DDX10: variants seen among roughly 807,000 people sequenced by gnomAD.
DDX10 encodes the protein DEAD-box helicase 10.
Under a neutral mutation model 104.3 loss-of-function variants are expected in DDX10, and 74 were observed. The ratio of observed to expected loss-of-function variants is 0.71; its 90% CI spans 0.59 to 0.86. The LOEUF (loss-of-function observed/expected upper bound fraction) is 0.86. DDX10 is among the 40% of genes least tolerant of loss of function. The probability of loss-of-function intolerance (pLI) is 0.00; values close to 1 mark genes in which losing one functional copy is unlikely to be tolerated. For synonymous variants in DDX10, 351 were observed against 353.4 expected, an observed-to-expected ratio of 0.99 and a Z score of 0.08; for missense variants, 952 against 1,040.0, an observed-to-expected ratio of 0.92 and a Z score of 1.16.
Position 108,709,558 on chromosome 11 carries a change from A to G in DDX10, c.1322+2721A>G, listed in dbSNP as rs190403110. 1.7e-3 allele frequency among the ~76,000 whole-genome samples: 263 copies of G among 152,346 alleles called. 2 individuals are homozygous for G. Among genetic ancestry groups the G allele is most frequent in the Non-Finnish European group, 1.9e-3 (128 of 68,036 alleles). ...TTGGTCCATTTCATCTAGGTTATCA[A>G]ATATGTGGGCATAGAGGTGTTCATA... On this transcript the variant is annotated intron_variant, in intron 10 of 17. Transcript: ENST00000322536.
chr11:108,735,658 C>T (rs2094317447), intron 13 of DDX10, among the ~76,000 whole-genome samples: 1 of 151,952 alleles, frequency 6.6e-6, no homozygotes, highest in South Asian at 2.1e-4. Context: ...GTTATTTTCT[C>T]CATGATGGCT....
intron 16 of DDX10, among the ~76,000 whole-genome samples, chr11:108,880,135 A>G (rs1270807639): frequency 3.3e-5 from 5 of 152,232 alleles, no homozygotes; most frequent in Admixed American, 1.3e-4. Flanking sequence ...GTAAGCCAGA[A>G]GTCCAAGTTC....
intron 11 of DDX10, among the ~76,000 whole-genome samples, chr11:108,717,765 T>A (rs769153418): frequency 2.0e-5 from 3 of 152,232 alleles, no homozygotes; most frequent in Non-Finnish European, 4.4e-5. Flanking sequence ...ATGACAAAAC[T>A]GTTTTACATG....
intron 16 of DDX10, among the ~76,000 whole-genome samples, chr11:108,917,462 C>T (rs1183015887): frequency 3.9e-5 from 6 of 151,940 alleles, no homozygotes; most frequent in Admixed American, 1.3e-4. Context: ...TATTCACAGG[C>T]GTGATCATTG....
intron 13 of DDX10, among the ~76,000 whole-genome samples, chr11:108,748,739 G>A (rs2094334764): frequency 6.6e-6 from 1 of 151,758 alleles, no homozygotes; most frequent in South Asian, 2.1e-4. Flanking sequence ...AGAGTACAGT[G>A]GCATGATCAT....
intron 13 of DDX10, among the ~76,000 whole-genome samples, chr11:108,825,079 C>T (rs1160922091): frequency 6.6e-6 from 1 of 152,034 alleles, no homozygotes; most frequent in African/African-American, 2.4e-5. Flanking sequence ...GGGTGAAGAA[C>T]AGAAATTTAC....
chr11:108,711,054 T>C (rs1424802647), intron 10 of DDX10, among the ~76,000 whole-genome samples: 2 of 152,144 alleles, frequency 1.3e-5, no homozygotes, highest in East Asian at 3.9e-4. Flanking sequence ...TGTGAGCCAT[T>C]GCTCCTGGCT....
At chr11:108,875,493 C>G (rs1365046) in intron 16 of DDX10, among the ~76,000 whole-genome samples, 114,135 of 152,038 alleles carry the variant, frequency 0.75, 43,189 homozygotes, top group Admixed American at 0.79. Flanking sequence ...AGAAGGGTCT[C>G]TCAGCAAGAG....
At chr11:108,678,578 A>T in intron 5 of DDX10, 143 bp downstream of exon 5, 1 of 930,760 alleles carries the variant, frequency 1.1e-6, no homozygotes, top group Non-Finnish European at 1.5e-6. Flanking sequence ...ACATTTTGGC[A>T]TTTGGGCTCT....
At chr11:108,827,663 G>A (rs768605053) in intron 13 of DDX10, among the ~76,000 whole-genome samples, 7 of 151,886 alleles carry the variant, frequency 4.6e-5, no homozygotes, top group South Asian at 2.1e-4. Context: ...TCTATTGTGG[G>A]CCTTTAATCC....
chr11:108,939,639 G>C (rs1005258664), intron 17 of DDX10, among the ~76,000 whole-genome samples: 2 of 152,072 alleles, frequency 1.3e-5, no homozygotes, highest in African/African-American at 4.8e-5. Context: ...AATTAGCTTT[G>C]TTTTTATGGT....
chr11:108,716,057 T>TA, intron 11 of DDX10, 91 bp downstream of exon 11: 1 of 743,750 alleles, frequency 1.3e-6, no homozygotes, highest in Non-Finnish European at 2.3e-6. Flanking sequence ...TGTTTATGCT[T>TA]CAGATATTCA....
chr11:108,902,346 A>T (rs1365949854), intron 16 of DDX10, among the ~76,000 whole-genome samples: 3 of 152,130 alleles, frequency 2.0e-5, no homozygotes, highest in African/African-American at 7.2e-5. Context: ...CAATAACTGG[A>T]CCCAGAATCC....
intron 16 of DDX10, among the ~76,000 whole-genome samples, chr11:108,898,449 G>A (rs1305380152): frequency 6.6e-6 from 1 of 152,052 alleles, no homozygotes; most frequent in African/African-American, 2.4e-5. Flanking sequence ...AGGTATTCCT[G>A]TTTGGTCACA....
rs1591134497 is a variant in DDX10 at position 108,940,623 on chromosome 11, G to A, written c.*200G>A. On this transcript the variant is annotated 3_prime_UTR_variant, in exon 18 of 18. Transcript: ENST00000322536. ...CATCACTGAGCATACTCAGATCGAG[G>A]GTGGATGATACCATTTCCTGACCCC... is the stretch of plus-strand genomic sequence containing the variant. The A allele has an allele frequency of 2.2e-6, 1 of 447,470 alleles. No individual in the cohort carries two copies. The highest frequency in any genetic ancestry group is 3.9e-6 in the Non-Finnish European group (1 of 256,768). The allele number at this position is 447,470 out of a possible 1,614,324, so 27.7% of individuals were successfully genotyped here. A position where few individuals can be genotyped will look rare whatever the true frequency, so the allele number is the denominator to read the frequency against.
chr11:108,668,413 T>G (rs1016522333), intron 1 of DDX10, among the ~76,000 whole-genome samples: 1 of 152,234 alleles, frequency 6.6e-6, no homozygotes, highest in Non-Finnish European at 1.5e-5. Flanking sequence ...CTGTTTTACT[T>G]CTTTAATTTT....
intron 16 of DDX10, among the ~76,000 whole-genome samples, chr11:108,908,947 A>G (rs529529219): frequency 1.3e-5 from 2 of 152,366 alleles, no homozygotes; most frequent in African/African-American, 4.8e-5. Flanking sequence ...TATCAGGTAT[A>G]GTATAAAGAA....
At chr11:108,877,322 A>G (rs1178638896) in intron 16 of DDX10, among the ~76,000 whole-genome samples, 1 of 152,196 alleles carries the variant, frequency 6.6e-6, no homozygotes, top group African/African-American at 2.4e-5. Context: ...TCTAGACATT[A>G]TTCTGGGAAA....
chr11:108,683,228 G>A (rs981704960), intron 6 of DDX10, among the ~76,000 whole-genome samples: 7 of 152,186 alleles, frequency 4.6e-5, no homozygotes, highest in African/African-American at 1.7e-4. Flanking sequence ...CAGTTCTGTA[G>A]CTTCCCAGTT....
Sources: allele counts gnomAD v4.1 joint callset (sites outside exome capture counted in the v4.1 genomes callset), GRCh38; gene constraint gnomAD v4.1.1; transcripts MANE v1.5; gene names NCBI Gene and HGNC (gene_info 2026-07-23, HGNC 2026-07-21).